Variants in RGS7BP observed in about 807,000 individuals in gnomAD.
RGS7BP encodes the protein regulator of G protein signaling 7 binding protein, also known as regulator of G protein signaling 7-binding protein.
In RGS7BP, 9 loss-of-function variants were observed where a neutral mutation model predicts 31.3. That is an observed-to-expected ratio of 0.29 (90% CI 0.17 to 0.50). The LOEUF is 0.50. Ranked by LOEUF, RGS7BP falls within the 20% of genes least tolerant of loss-of-function variation. The pLI, the probability that RGS7BP is intolerant of heterozygous loss-of-function variation, is 0.98. For missense variants in RGS7BP, 274 were observed against 322.0 expected (o/e 0.85, Z 1.14); for synonymous variants, 115 against 120.1 (o/e 0.96, Z 0.28).
At chr5:64,575,652 AT>A in intron 2 of RGS7BP, 121 bp from the exon 3 acceptor site, 1 of 1,411,136 alleles carries the variant, frequency 7.1e-7, no homozygotes. Context: ...GAAGTCCTAT[AT>A]TTTAGGATCA....
chr5:64,522,511 A>G (rs1490165023), intron 2 of RGS7BP, among the ~76,000 whole-genome samples: 2 of 152,116 alleles, frequency 1.3e-5, no homozygotes, highest in East Asian at 1.9e-4. Flanking sequence ...CATAAGTCAC[A>G]TTTTCTTACT....
chr5:64,569,353 C>A (rs1167031564), intron 2 of RGS7BP, among the ~76,000 whole-genome samples: 1 of 152,012 alleles, frequency 6.6e-6, no homozygotes, highest in Non-Finnish European at 1.5e-5. Flanking sequence ...CTCACTGGAG[C>A]ATTTTTCTCC....
At chr5:64,575,579 G>C (rs1176271014) in intron 2 of RGS7BP, 195 bp from the exon 3 acceptor site, 1 of 1,016,452 alleles carries the variant, frequency 9.8e-7, no homozygotes, top group Non-Finnish European at 1.3e-6. Flanking sequence ...AAAAAATTAA[G>C]AACTGTTAGT....
chr5:64,589,225 C>T (rs144967137), intron 3 of RGS7BP, among the ~76,000 whole-genome samples: 37 of 151,522 alleles, frequency 2.4e-4, no homozygotes, highest in African/African-American at 6.3e-4. Flanking sequence ...GAACCTGGGA[C>T]GCAGAGGTTG....
chr5:64,585,364 A>G (rs1229804145), intron 3 of RGS7BP, among the ~76,000 whole-genome samples: 1 of 152,082 alleles, frequency 6.6e-6, no homozygotes, highest in Non-Finnish European at 1.5e-5. Context: ...AGGACATCCA[A>G]AAAGATATTA....
rs754466401 is a variant in RGS7BP, at chr5:64,506,834, G to A, written c.165+45G>A. On this transcript the variant is annotated intron_variant, in intron 1 of 5. Coordinates refer to ENST00000334025, the MANE Select transcript of RGS7BP (RefSeq NM_001029875.3). This position sits in a 1 kb window ranked among gnomAD's most constrained non-coding sequence, Gnocchi z 4.6. ...CTTTTTTTTTTTTTTTAATTGAGAGGGGGTGGGGGGAGTCATGTATGTTAA... is the reference window on the plus strand; with the variant it reads ...CTTTTTTTTTTTTTTTAATTGAGAGAGGGTGGGGGGAGTCATGTATGTTAA... The A allele has an allele frequency of 4.0e-6, 6 of 1,515,734 alleles. No individual in the cohort carries two copies. In the East Asian group the frequency reaches 9.1e-5, roughly 23 times the overall value. 93.9% of individuals were successfully genotyped at this position (1,515,734 alleles called of 1,614,324 possible).
At chr5:64,541,263 A>G (rs925365163) in intron 2 of RGS7BP, among the ~76,000 whole-genome samples, 7 of 152,116 alleles carry the variant, frequency 4.6e-5, no homozygotes, top group African/African-American at 7.2e-5. Context: ...TCTCATGGGA[A>G]CTAACTGAGG....
chr5:64,605,029 A>T (rs900175548), intron 5 of RGS7BP, among the ~76,000 whole-genome samples: 3 of 152,094 alleles, frequency 2.0e-5, no homozygotes, highest in African/African-American at 2.4e-5. Context: ...AATTTTTTTT[A>T]AAAATCTAAA....
chr5:64,562,227 G>T (rs765743926), intron 2 of RGS7BP, among the ~76,000 whole-genome samples: 1 of 151,918 alleles, frequency 6.6e-6, no homozygotes, highest in South Asian at 2.1e-4. Context: ...ATCCTTTTTT[G>T]AATAGCAGGG....
chr5:64,574,241 G>T (rs1189659794), intron 2 of RGS7BP, among the ~76,000 whole-genome samples: 1 of 152,118 alleles, frequency 6.6e-6, no homozygotes, highest in Non-Finnish European at 1.5e-5. Context: ...GACTGTGAAA[G>T]CTGAAGACGA....
At chr5:64,588,193 C>A (rs1561345327) in intron 3 of RGS7BP, among the ~76,000 whole-genome samples, 1 of 152,236 alleles carries the variant, frequency 6.6e-6, no homozygotes, top group East Asian at 1.9e-4. Flanking sequence ...TGTTATCAAT[C>A]AAATAAAAAT....
intron 2 of RGS7BP, among the ~76,000 whole-genome samples, chr5:64,522,433 G>A (rs1749130021): frequency 6.6e-6 from 1 of 152,172 alleles, no homozygotes; most frequent in Non-Finnish European, 1.5e-5. Flanking sequence ...TCTATATAGG[G>A]AAGAACATGA....
intron 5 of RGS7BP, among the ~76,000 whole-genome samples, chr5:64,607,756 G>C (rs1027628005): frequency 1.1e-4 from 16 of 152,056 alleles, no homozygotes; most frequent in African/African-American, 3.6e-4. Context: ...TTCCAAAAGG[G>C]AGGAGGATAT....
intron 2 of RGS7BP, among the ~76,000 whole-genome samples, chr5:64,552,116 AT>A (rs1741808777): frequency 6.6e-6 from 1 of 152,202 alleles, no homozygotes; most frequent in Admixed American, 6.5e-5. Context: ...TTCAAGGTAT[AT>A]TTTAAAGTGT....
rs545581668 is a variant in RGS7BP at position 64,599,179 on chromosome 5, C to T, written c.682+744C>T. Reference sequence around the variant, plus strand: ...CGATGTTTGTTAAATCTGCACCTACCTTTGCAGCCCCAGAGACTGACGACA... The same window carrying T: ...CGATGTTTGTTAAATCTGCACCTACTTTTGCAGCCCCAGAGACTGACGACA... On this transcript the variant is annotated intron_variant, in intron 5 of 5. Transcript: ENST00000334025. Among the ~76,000 whole-genome samples the T allele has an allele frequency of 3.9e-5, 6 of 152,312 alleles. No homozygotes were observed. In the East Asian group the frequency reaches 1.2e-3, roughly 29 times the overall value.
rs551505790 is a variant in RGS7BP, at chr5:64,506,357, C to A, written c.-268C>A. 2.9e-5 allele frequency: 10 copies of A among 341,540 alleles called. No homozygotes were observed. In the South Asian group the frequency reaches 4.3e-4, roughly 15 times the overall value. The allele number at this position is 341,540 out of a possible 1,614,324, so 21.2% of individuals were successfully genotyped here. On this transcript the variant is annotated 5_prime_UTR_variant, in exon 1 of 6. Coordinates refer to ENST00000334025, the MANE Select transcript of RGS7BP (RefSeq NM_001029875.3). The surrounding 1 kb of genome is among the most constrained non-coding windows in gnomAD (Gnocchi z 4.6). Reference sequence around the variant, plus strand: ...CGAGCCCGCGCCAGCGCCCAGCTCCCGGGACAGGGTCGGCAATGCTGCTGA... The same window carrying A: ...CGAGCCCGCGCCAGCGCCCAGCTCCAGGGACAGGGTCGGCAATGCTGCTGA...
intron 2 of RGS7BP, among the ~76,000 whole-genome samples, chr5:64,572,441 A>G (rs7710351): frequency 0.79 from 120,515 of 152,122 alleles, 48,089 homozygotes; most frequent in Admixed American, 0.83. Context: ...TCTAAAGAGG[A>G]AGAAATAAAT....
At chr5:64,606,981 G>A (rs554922590) in intron 5 of RGS7BP, among the ~76,000 whole-genome samples, 30 of 144,706 alleles carry the variant, frequency 2.1e-4, no homozygotes, top group Non-Finnish European at 3.1e-4. Flanking sequence ...GACTGGGAGG[G>A]TGGACTGTGT....
At chr5:64,594,931 A>G (rs1230070714) in intron 4 of RGS7BP, 74 bp downstream of exon 4, 4 of 1,473,194 alleles carry the variant, frequency 2.7e-6, no homozygotes, top group African/African-American at 2.8e-5. Context: ...CAGAGAGACG[A>G]GGTTTTCTAG....
Sources: gnomAD v4.1 joint callset for allele counts (sites outside exome capture counted in the v4.1 genomes callset) on GRCh38, gnomAD v4.1.1 for gene constraint, Gnocchi (gnomAD v3.1) non-coding constraint, MANE v1.5 for transcripts, NCBI Gene and HGNC (gene_info 2026-07-23, HGNC 2026-07-21) for gene names.